The following ATRX variants were observed in gnomAD, a reference collection of about 807,000 sequenced individuals.
ATRX encodes the protein chromatin remodeler ATRX.
In ATRX, 12 loss-of-function variants were observed where a neutral mutation model predicts 172.6. The ratio of observed to expected loss-of-function variants is 0.07; its 90% CI spans 0.04 to 0.11. ATRX has a LOEUF of 0.11. Among genes scored for constraint, ATRX ranks in the 10% least tolerant of loss-of-function variants. The pLI is 1.00. For synonymous variants in ATRX, 674 were observed against 594.7 expected, an observed-to-expected ratio of 1.13 and a Z score of -1.94; for missense variants, 1,368 against 1,767.4, an observed-to-expected ratio of 0.77 and a Z score of 4.05.
intron 10 of ATRX, among the ~76,000 whole-genome samples, chrX:77,672,651 T>A (rs782633139): frequency 6.3e-5 from 7 of 110,489 alleles, no homozygotes; most frequent in Non-Finnish European, 9.5e-5. Flanking sequence ...AATGGGACAA[T>A]TTTTTTTAGC....
intron 30 of ATRX, 143 bp from the exon 31 acceptor site, chrX:77,523,544 A>T: frequency 3.6e-6 from 2 of 556,705 alleles, no homozygotes; most frequent in Middle Eastern, 5.6e-4. Context: ...ATTACCTAAA[A>T]AACAGCAGCA....
intron 15 of ATRX, among the ~76,000 whole-genome samples, chrX:77,646,647 C>T (rs1187969935): frequency 2.7e-5 from 3 of 111,305 alleles, no homozygotes; most frequent in African/African-American, 9.8e-5. Context: ...TGGAGCTGGC[C>T]ACAGTGTTTC....
At chrX:77,518,642 C>CA (rs782807966) in intron 34 of ATRX, among the ~76,000 whole-genome samples, 10 of 107,527 alleles carry the variant, frequency 9.3e-5, no homozygotes, top group South Asian at 3.9e-4. Flanking sequence ...TTCACAGAAA[C>CA]AAAAAAAAAA....
chrX:77,520,693 T>G (rs1431007381), intron 34 of ATRX, 95 bp downstream of exon 34: 3 of 925,932 alleles, frequency 3.2e-6, no homozygotes, highest in Non-Finnish European at 3.0e-6. Flanking sequence ...CCCTCCATAG[T>G]AGGAATAATT....
intron 5 of ATRX, 77 bp from the exon 6 acceptor site, chrX:77,694,014 G>T: frequency 1.3e-6 from 1 of 767,577 alleles, no homozygotes; most frequent in East Asian, 3.2e-5. Flanking sequence ...TTCAGATAAA[G>T]CCAACATTGC....
At chrX:77,533,086 T>G (rs781958010) in intron 30 of ATRX, among the ~76,000 whole-genome samples, 11 of 111,946 alleles carry the variant, frequency 9.8e-5, no homozygotes, top group African/African-American at 3.2e-4. Context: ...AAAACTACAA[T>G]GAGATACCAT....
At chrX:77,661,672 CTT>C (rs1437072036) in intron 12 of ATRX, among the ~76,000 whole-genome samples, 3 of 110,838 alleles carry the variant, frequency 2.7e-5, no homozygotes, top group Non-Finnish European at 5.7e-5. Flanking sequence ...ATTCTTTGAA[CTT>C]TTTGTTACCC....
chrX:77,601,082 G>A, intron 22 of ATRX, among the ~76,000 whole-genome samples: 1 of 110,454 alleles, frequency 9.1e-6, no homozygotes, highest in Non-Finnish European at 1.9e-5. Flanking sequence ...TTCTATCCAT[G>A]GACCCTAGAT....
intron 15 of ATRX, among the ~76,000 whole-genome samples, chrX:77,647,114 A>G (rs1259829625): frequency 9.0e-6 from 1 of 111,704 alleles, no homozygotes; most frequent in Non-Finnish European, 1.9e-5. Flanking sequence ...CAAAAAATCC[A>G]TAACAGAAGA....
intron 30 of ATRX, among the ~76,000 whole-genome samples, chrX:77,542,521 G>A (rs1557051368): frequency 8.9e-6 from 1 of 111,905 alleles, no homozygotes; most frequent in Non-Finnish European, 1.9e-5. Flanking sequence ...ACAATTCTAA[G>A]CAAAAAGAAC....
In ATRX at chrX:77,682,090, T is replaced by G; in HGVS notation, c.3166A>C (p.Lys1056Gln). 4 of 1,209,125 alleles carry G rather than the reference T, an allele frequency of 3.3e-6. No homozygotes were observed. The highest frequency in any genetic ancestry group is 3.4e-6 in the Non-Finnish European group (3 of 893,506). The change falls in exon 9 of 35, where the codon AAG becomes CAG. Residue 1056 changes from lysine to glutamine, a missense_variant. By Grantham distance (53) the Lys-to-Gln change is moderately conservative. This residue lies in a region of ATRX where 843 missense variants were observed against 643.1 expected (regional missense o/e 1.31). Coordinates refer to ENST00000373344, the MANE Select transcript of ATRX (RefSeq NM_000489.6). The stretch of plus-strand genomic sequence containing the variant: ...GCATAATCAGATAATTCATCCTTCT[T>G]TTTAGAAGTTTTATCTCTTATTTTT... ...SKKIRDKTSKKKDELSDYAEK... is the reference protein window; with the variant it reads ...SKKIRDKTSKQKDELSDYAEK...
At chrX:77,613,460 T>A (rs782396921) in intron 22 of ATRX, among the ~76,000 whole-genome samples, 83 of 112,065 alleles carry the variant, frequency 7.4e-4, no homozygotes, top group Admixed American at 2.4e-3. Flanking sequence ...TGTTGAGTTG[T>A]AGGAGTTCTT....
chrX:77,511,770 A>T (rs1453205903), intron 34 of ATRX, among the ~76,000 whole-genome samples: 1 of 111,807 alleles, frequency 8.9e-6, no homozygotes, highest in Non-Finnish European at 1.9e-5. Context: ...ATGTACCATC[A>T]GAGGAGACAA....
At chrX:77,751,752 G>A (rs191044186) in intron 1 of ATRX, among the ~76,000 whole-genome samples, 83 of 112,107 alleles carry the variant, frequency 7.4e-4, no homozygotes, top group Non-Finnish European at 1.3e-3. Context: ...AGTTTTCCCA[G>A]CACCATTTAT....
At chrX:77,709,759 C>T (rs1006583567) in intron 2 of ATRX, among the ~76,000 whole-genome samples, 1 of 109,940 alleles carries the variant, frequency 9.1e-6, no homozygotes, top group Non-Finnish European at 1.9e-5. Context: ...CAAGCCTGGC[C>T]AACACAGTGA....
intron 27 of ATRX, among the ~76,000 whole-genome samples, chrX:77,576,256 G>C (rs1557070243): frequency 2.7e-5 from 3 of 111,260 alleles, no homozygotes; most frequent in Non-Finnish European, 5.7e-5. Context: ...TCCATTTATT[G>C]ATGGTAGTAA....
At chrX:77,776,202 T>C (rs1414651023) in intron 1 of ATRX, among the ~76,000 whole-genome samples, 1 of 112,176 alleles carries the variant, frequency 8.9e-6, no homozygotes, top group Non-Finnish European at 1.9e-5. Flanking sequence ...TGTATATTAA[T>C]AGATTTTTAA....
chrX:77,644,327 C>A (rs1187568347), intron 15 of ATRX, among the ~76,000 whole-genome samples: 1 of 112,324 alleles, frequency 8.9e-6, no homozygotes, highest in Non-Finnish European at 1.9e-5. Context: ...CAAGAACACT[C>A]TTTGAAAAAA....
At chrX:77,713,741 T>C (rs946784616) in intron 2 of ATRX, among the ~76,000 whole-genome samples, 2 of 111,492 alleles carry the variant, frequency 1.8e-5, no homozygotes, top group Non-Finnish European at 3.8e-5. Context: ...AGTTAGAACA[T>C]CACCATTTTG....
Sources: allele counts gnomAD v4.1 joint callset (sites outside exome capture counted in the v4.1 genomes callset), GRCh38; gene constraint gnomAD v4.1.1; regional missense constraint gnomAD v4.1.1; transcripts MANE v1.5; gene names NCBI Gene and HGNC (gene_info 2026-07-23, HGNC 2026-07-21).